The following FKBP9 variants were observed in gnomAD, a reference collection of about 807,000 sequenced individuals.
FKBP9 encodes FKBP prolyl isomerase 9.
A neutral mutation model predicts 55.6 loss-of-function variants in FKBP9; 27 were observed. The observed-to-expected ratio is 0.49, with a 90% CI of 0.36 to 0.67. FKBP9 has a LOEUF of 0.67. Among genes scored for constraint, FKBP9 ranks in the 30% least tolerant of loss-of-function variants. FKBP9 has a pLI of 0.00. For missense variants in FKBP9, 539 were observed against 742.8 expected, an observed-to-expected ratio of 0.73 and a Z score of 3.19; for synonymous variants, 267 against 296.5, an observed-to-expected ratio of 0.90 and a Z score of 1.02.
chr7:32,960,900 A>G (rs1784008455), intron 1 of FKBP9, among the ~76,000 whole-genome samples: 1 of 152,238 alleles, frequency 6.6e-6, no homozygotes, highest in Non-Finnish European at 1.5e-5. Context: ...AACTCATTTA[A>G]TCTTAGAATA....
chr7:32,991,694 C>T (rs913398836), intron 6 of FKBP9, among the ~76,000 whole-genome samples: 8 of 152,006 alleles, frequency 5.3e-5, no homozygotes, highest in Non-Finnish European at 8.8e-5. Flanking sequence ...GGTTCTGGAT[C>T]TTTCTGCCAT....
chr7:33,004,385 C>T (rs1156628972), intron 9 of FKBP9, among the ~76,000 whole-genome samples: 1 of 152,160 alleles, frequency 6.6e-6, no homozygotes, highest in Non-Finnish European at 1.5e-5. Context: ...CCGGCTGTCT[C>T]CCTCTGCCCA....
At chr7:32,961,944 A>G (rs1419889432) in intron 1 of FKBP9, among the ~76,000 whole-genome samples, 1 of 152,050 alleles carries the variant, frequency 6.6e-6, no homozygotes, top group Non-Finnish European at 1.5e-5. Context: ...ATTTCATTAT[A>G]TATTACGGTG....
At chr7:32,980,056 G>T (rs1197284216) in intron 4 of FKBP9, among the ~76,000 whole-genome samples, 1 of 152,130 alleles carries the variant, frequency 6.6e-6, no homozygotes, top group African/African-American at 2.4e-5. Context: ...TATGTATTTG[G>T]GTTTGCCTGT....
rs373806776 is a variant in FKBP9, at chr7:32,997,230, T to C, written c.1226+881T>C. Among the ~76,000 whole-genome samples, 147 of 152,190 alleles carry C rather than the reference T, an allele frequency of 9.7e-4. 3 individuals carry two copies. The South Asian group carries it at 0.028, about 29-fold the overall frequency. On this transcript the variant is annotated intron_variant, in intron 7 of 9. Coordinates refer to ENST00000242209, the MANE Select transcript of FKBP9 (RefSeq NM_007270.5). Reference sequence around the variant, plus strand: ...GATTGCAGGCACGCACCACTATACTTGGCTAATTTTGTTTACTTTTTAGCA... The same window carrying C: ...GATTGCAGGCACGCACCACTATACTCGGCTAATTTTGTTTACTTTTTAGCA...
chr7:32,965,884 T>TACATATATATAGAGAG (rs1554284369), intron 1 of FKBP9, among the ~76,000 whole-genome samples: 17 of 110,366 alleles, frequency 1.5e-4, no homozygotes, highest in South Asian at 2.9e-4. Flanking sequence ...TATATATATA[T>TACATATATATAGAGAG]AGAGAGAGAG....
intron 5 of FKBP9, among the ~76,000 whole-genome samples, chr7:32,986,023 G>A (rs919436729): frequency 1.6e-4 from 24 of 152,266 alleles, no homozygotes; most frequent in African/African-American, 5.8e-4. Context: ...GAACTTATAA[G>A]TTAGTTTAGG....
intron 8 of FKBP9, 117 bp downstream of exon 8, chr7:33,000,377 G>C: frequency 5.8e-6 from 8 of 1,387,850 alleles, no homozygotes; most frequent in Non-Finnish European, 7.7e-6. Context: ...TACCCAAAGA[G>C]TGTGTGGTTT....
chr7:32,986,351 C>T (rs1361236819), intron 5 of FKBP9, among the ~76,000 whole-genome samples: 1 of 152,240 alleles, frequency 6.6e-6, no homozygotes, highest in African/African-American at 2.4e-5. Flanking sequence ...GTCGGGAGCC[C>T]ACCACATAGG....
chr7:33,000,063 T>C, intron 7 of FKBP9, 52 bp from the exon 8 acceptor site: 1 of 1,610,332 alleles, frequency 6.2e-7, no homozygotes, highest in Admixed American at 1.7e-5. Context: ...GGGAACACTC[T>C]CAGTGCCAAT....
At chr7:32,982,943 C>G (rs1784507218) in intron 5 of FKBP9, among the ~76,000 whole-genome samples, 1 of 151,062 alleles carries the variant, frequency 6.6e-6, no homozygotes, top group African/African-American at 2.4e-5. Context: ...TTAATTGTTT[C>G]CCTGGGATAC....
At chr7:32,965,810 A>ATATAT (rs1456275208) in intron 1 of FKBP9, among the ~76,000 whole-genome samples, 4 of 37,502 alleles carry the variant, frequency 1.1e-4, no homozygotes, top group Non-Finnish European at 1.8e-4. Flanking sequence ...AAAAAAAAAA[A>ATATAT]AAATATATAT....
intron 3 of FKBP9, 43 bp from the exon 4 acceptor site, chr7:32,976,311 T>A: frequency 1.2e-6 from 2 of 1,613,326 alleles, no homozygotes; most frequent in South Asian, 2.2e-5. Flanking sequence ...GTTGGAAATA[T>A]CCTCATGGTG....
intron 1 of FKBP9, among the ~76,000 whole-genome samples, chr7:32,970,485 T>TG (rs1434432037): frequency 1.3e-5 from 2 of 152,020 alleles, no homozygotes; most frequent in East Asian, 3.9e-4. Context: ...CATGAGCCAC[T>TG]GCACCTGGCC....
intron 7 of FKBP9, among the ~76,000 whole-genome samples, chr7:32,997,901 T>C (rs938763586): frequency 6.6e-6 from 1 of 152,236 alleles, no homozygotes; most frequent in African/African-American, 2.4e-5. Flanking sequence ...GGATCCTGTA[T>C]GCTAATGCAT....
intron 9 of FKBP9, 48 bp downstream of exon 9, chr7:33,002,887 G>C (rs1424251964): frequency 1.3e-6 from 2 of 1,590,258 alleles, no homozygotes; most frequent in African/African-American, 2.7e-5. Flanking sequence ...AGCTCAGGGA[G>C]CCTGGTAAGG....
chr7:32,972,653 AT>A (rs925850800), intron 1 of FKBP9, among the ~76,000 whole-genome samples: 1 of 152,000 alleles, frequency 6.6e-6, no homozygotes, highest in Non-Finnish European at 1.5e-5. Flanking sequence ...TGCCTTGTGG[AT>A]TTTTTCATAT....
At chr7:32,996,718 CT>C (rs1194523422) in intron 7 of FKBP9, among the ~76,000 whole-genome samples, 17 of 103,200 alleles carry the variant, frequency 1.6e-4, no homozygotes, top group African/African-American at 2.5e-4. Flanking sequence ...CTCTTTCTCT[CT>C]TTTTTTCCTT....
chr7:33,005,148 G>C, intron 9 of FKBP9, 27 bp from the exon 10 acceptor site: 1 of 1,606,726 alleles, frequency 6.2e-7, no homozygotes, highest in Non-Finnish European at 8.5e-7. Context: ...CTGAACTCAT[G>C]GTCTTTCCTG....
Sources: allele counts gnomAD v4.1 joint callset (sites outside exome capture counted in the v4.1 genomes callset), GRCh38; gene constraint gnomAD v4.1.1; transcripts MANE v1.5; gene names NCBI Gene and HGNC (gene_info 2026-07-23, HGNC 2026-07-21).